Variants in TMEM219 observed in about 807,000 individuals in gnomAD.
TMEM219 encodes transmembrane protein 219.
Under a neutral mutation model 17.9 loss-of-function variants are expected in TMEM219, and 18 were observed. That is an observed-to-expected ratio of 1.01 (90% CI 0.70 to 1.49). The LOEUF (loss-of-function observed/expected upper bound fraction) is 1.49. Among genes scored for constraint, TMEM219 ranks in the 40% most tolerant of loss-of-function variants. TMEM219 has a pLI of 0.00. For missense variants in TMEM219, 288 were observed against 292.4 expected, an observed-to-expected ratio of 0.99 and a Z score of 0.11; for synonymous variants, 113 against 124.0, an observed-to-expected ratio of 0.91 and a Z score of 0.59.
intron 5 of TMEM219, among the ~76,000 whole-genome samples, 194 bp from the exon 6 acceptor site, chr16:29,972,756 T>C (rs2069318339): frequency 6.6e-6 from 1 of 152,306 alleles, no homozygotes; most frequent in Non-Finnish European, 1.5e-5. Context: ...CCTCTCAACC[T>C]TGGACTGGGA....
In TMEM219 at chr16:29,971,399, C is replaced by T. The variant is rs1173056975; in HGVS notation, c.586-9C>T. 1 of 1,614,008 alleles carries T rather than the reference C, an allele frequency of 6.2e-7. No homozygotes were observed. The highest frequency in any genetic ancestry group is 8.5e-7 in the Non-Finnish European group (1 of 1,179,962). On this transcript the variant is annotated splice_polypyrimidine_tract_variant and intron_variant, in intron 4 of 5. Coordinates refer to ENST00000279396, the MANE Select transcript of TMEM219 (RefSeq NM_001083613.2). ...GTCCTCCTCCTCCTCTCCCTGTACCCCTCCCTAGGAGGAGCTGGCTCTGTG... is the reference window on the plus strand; with the variant it reads ...GTCCTCCTCCTCCTCTCCCTGTACCTCTCCCTAGGAGGAGCTGGCTCTGTG...
chr16:29,963,245 C>T lies in TMEM219; in HGVS notation c.102C>T (p.Gly34=). 1 of 1,614,090 alleles carries T rather than the reference C, an allele frequency of 6.2e-7. No individual in the cohort carries two copies. ...TLILLLLGLS[G]LGLGSFLLTH... is the part of the protein sequence containing the mutation. ...TCCTGCTGCTCCTTGGCCTCTCTGGCCTGGGCCTTGGCAGCTTCCTCCTCA... is the reference window on the plus strand; with the variant it reads ...TCCTGCTGCTCCTTGGCCTCTCTGGTCTGGGCCTTGGCAGCTTCCTCCTCA... Residue 34 remains glycine (G), a synonymous_variant, in exon 2 of 6, where the codon GGC becomes GGT. Coordinates refer to ENST00000279396, the MANE Select transcript of TMEM219 (RefSeq NM_001083613.2).
chr16:29,965,000 T>C (rs2069195112), intron 3 of TMEM219, among the ~76,000 whole-genome samples: 2 of 152,166 alleles, frequency 1.3e-5, no homozygotes. Flanking sequence ...CTTAGCATAG[T>C]TCTGTATGCC....
At chr16:29,971,691 C>T (rs2069291418) in intron 5 of TMEM219, 113 bp downstream of exon 5, 2 of 1,029,370 alleles carry the variant, frequency 1.9e-6, no homozygotes, top group South Asian at 1.6e-5. Flanking sequence ...GCTTCTGAGT[C>T]CCCGAGAACC....
Position 29,963,300 on chromosome 16 carries a change from AT to A in TMEM219, c.158del (p.Ile53ThrfsTer9), listed in dbSNP as rs779926281. 1 of 1,614,140 alleles carries A rather than the reference AT, an allele frequency of 6.2e-7. No homozygotes were observed. The highest frequency in any genetic ancestry group is 2.2e-5 in the East Asian group (1 of 44,882). ...THRTGLRSPD[I>X]PQDWVSFLRS... ...CAGGACTGGCCTGCGCAGCCCTGAC[AT>A]CCCCCAGGTAAGTTCCCCACCCCCG... On this transcript the variant is annotated frameshift_variant, in exon 2 of 6. Transcript: ENST00000279396. LOFTEE classifies it high-confidence loss of function.
At chr16:29,963,978 C>T (rs1450765289) in intron 3 of TMEM219, among the ~76,000 whole-genome samples, 2 of 150,862 alleles carry the variant, frequency 1.3e-5, no homozygotes, top group African/African-American at 2.4e-5. Flanking sequence ...GTTAGGAGTT[C>T]GAGACCAGCC....
chr16:29,971,747 C>G (rs868275594), intron 5 of TMEM219, 169 bp downstream of exon 5: 1 of 497,338 alleles, frequency 2.0e-6, no homozygotes. Flanking sequence ...AATTTGACAC[C>G]GTCAGCATTC....
At position 29,972,382 on chromosome 16, in the gene TMEM219, C is replaced by T. The variant is rs186967968; in HGVS notation, c.*34-568C>T. 1.0e-3 allele frequency among the ~76,000 whole-genome samples: 152 copies of T among 152,254 alleles called. 2 individuals are homozygous for T. The highest frequency in any genetic ancestry group is 8.4e-3 in the Admixed American group (128 of 15,282). On this transcript the variant is annotated intron_variant, in intron 5 of 5. Transcript: ENST00000279396. The stretch of plus-strand genomic sequence containing the variant: ...CGTTACCTTTAGAAAAAGCTGATTC[C>T]GTTAACAAGATCTTTGGAGGGAATC...
At chr16:29,969,585 G>A (rs1395970813) in intron 4 of TMEM219, among the ~76,000 whole-genome samples, 4 of 151,306 alleles carry the variant, frequency 2.6e-5, no homozygotes. Flanking sequence ...AGGCTGAGGT[G>A]GGAGGATCCT....
chr16:29,969,721 C>A (rs769595157), intron 4 of TMEM219, among the ~76,000 whole-genome samples: 1 of 151,948 alleles, frequency 6.6e-6, no homozygotes, highest in African/African-American at 2.4e-5. Flanking sequence ...TGGGAGCACT[C>A]CATGTTGAGA....
At chr16:29,970,675 G>T (rs1567231920) in intron 4 of TMEM219, among the ~76,000 whole-genome samples, 2 of 152,038 alleles carry the variant, frequency 1.3e-5, no homozygotes, top group Admixed American at 1.3e-4. Flanking sequence ...ATCTCATGGA[G>T]TTATGATGGG....
In TMEM219 at chr16:29,971,402, C is replaced by A. The variant is rs1306120423; in HGVS notation, c.586-6C>A. The A allele has an allele frequency of 1.2e-6, 2 of 1,614,042 alleles. No homozygotes were observed. Among genetic ancestry groups the A allele is most frequent in the East Asian group, 2.2e-5 (1 of 44,884 alleles). On this transcript the variant is annotated splice_region_variant and splice_polypyrimidine_tract_variant and intron_variant, in intron 4 of 5. Transcript: ENST00000279396. Reference sequence around the variant, plus strand: ...CTCCTCCTCCTCTCCCTGTACCCCTCCCTAGGAGGAGCTGGCTCTGTGTGG... The same window carrying A: ...CTCCTCCTCCTCTCCCTGTACCCCTACCTAGGAGGAGCTGGCTCTGTGTGG...
Position 29,963,114 on chromosome 16 carries a change from T to C in TMEM219, c.-30T>C, listed in dbSNP as rs751227161. 8.1e-6 allele frequency: 13 copies of C among 1,604,600 alleles called. No individual in the cohort carries two copies. Among genetic ancestry groups the C allele is most frequent in the African/African-American group, 1.3e-5 (1 of 74,890 alleles). ...TCCCTCCCTGTCTTCCAGCAGGCTC[T>C]CCCCGGAGGCTCAGCCCCCTCTGCT... On this transcript the variant is annotated 5_prime_UTR_variant, in exon 2 of 6. Transcript: ENST00000279396.
intron 3 of TMEM219, among the ~76,000 whole-genome samples, chr16:29,965,925 T>C (rs2069207416): frequency 1.3e-5 from 2 of 152,082 alleles, no homozygotes; most frequent in African/African-American, 4.8e-5. Flanking sequence ...TTAGTAGAGA[T>C]GGGGTTTCAC....
chr16:29,970,046 C>A (rs1337198135), intron 4 of TMEM219, among the ~76,000 whole-genome samples: 1 of 151,990 alleles, frequency 6.6e-6, no homozygotes, highest in Non-Finnish European at 1.5e-5. Flanking sequence ...CCAGCCTGGC[C>A]AACATGGTGA....
intron 4 of TMEM219, among the ~76,000 whole-genome samples, chr16:29,970,163 G>C (rs905718862): frequency 6.6e-6 from 1 of 151,728 alleles, no homozygotes; most frequent in Non-Finnish European, 1.5e-5. Flanking sequence ...GAACCTGGGA[G>C]GCAGAGGTTG....
chr16:29,971,687 G>C (rs965178348), intron 5 of TMEM219, 109 bp downstream of exon 5: 1 of 1,104,234 alleles, frequency 9.1e-7, no homozygotes, highest in Non-Finnish European at 1.3e-6. Context: ...TGCTGCTTCT[G>C]AGTCCCCGAG....
intron 5 of TMEM219, among the ~76,000 whole-genome samples, 166 bp from the exon 6 acceptor site, chr16:29,972,777 TCCTGGCC>T (rs959335610): frequency 1.3e-5 from 2 of 152,224 alleles, no homozygotes; most frequent in African/African-American, 4.8e-5. Context: ...AAGGAGGGCT[TCCTGGCC>T]CCTGACAGAC....
chr16:29,967,671 T>C (rs1191822613), intron 3 of TMEM219, among the ~76,000 whole-genome samples: 1 of 152,154 alleles, frequency 6.6e-6, no homozygotes, highest in African/African-American at 2.4e-5. Flanking sequence ...CTCACGCCTG[T>C]AATCCCAGCA....
Sources: allele counts gnomAD v4.1 joint callset (sites outside exome capture counted in the v4.1 genomes callset), GRCh38; gene constraint gnomAD v4.1.1; transcripts MANE v1.5; gene names NCBI Gene and HGNC (gene_info 2026-07-23, HGNC 2026-07-21).